The following ATRNL1 variants were observed in gnomAD, a reference collection of about 807,000 sequenced individuals.
The protein encoded by ATRNL1 is attractin-like protein 1.
A neutral mutation model predicts 182.7 loss-of-function variants in ATRNL1; 95 were observed. The ratio of observed to expected loss-of-function variants is 0.52; its 90% confidence interval spans 0.44 to 0.62. The LOEUF (loss-of-function observed/expected upper bound fraction) is 0.62, where lower values mean the gene tolerates loss of function less well. ATRNL1 is among the 20% of genes least tolerant of loss of function. The pLI is 0.00. For synonymous variants in ATRNL1, 576 were observed against 568.3 expected (o/e 1.01, Z -0.19); for missense variants, 1,471 against 1,679.5 (o/e 0.88, Z 2.17).
intron 26 of ATRNL1, among the ~76,000 whole-genome samples, chr10:115,697,628 T>G (rs940888145): frequency 6.6e-6 from 1 of 152,136 alleles, no homozygotes; most frequent in African/African-American, 2.4e-5. Flanking sequence ...ACCTGGCCTA[T>G]TTTTTTAATC....
intron 24 of ATRNL1, among the ~76,000 whole-genome samples, chr10:115,481,264 G>A (rs1020929750): frequency 2.0e-5 from 3 of 150,044 alleles, no homozygotes; most frequent in Non-Finnish European, 4.5e-5. Flanking sequence ...TACTTCCATA[G>A]TCTGTTACTG....
chr10:115,378,179 G>T (rs1368933995), intron 19 of ATRNL1, among the ~76,000 whole-genome samples: 3 of 152,152 alleles, frequency 2.0e-5, no homozygotes, highest in Non-Finnish European at 4.4e-5. Flanking sequence ...ACGTTCTTTG[G>T]TGGGTACACC....
chr10:115,300,264 A>G lies in ATRNL1; in HGVS notation c.2629+17A>G. On this transcript the variant is annotated intron_variant, in intron 16 of 28. Transcript: ENST00000355044. ...AACCTGTTGGTAAGTAGTCCAGTAA[A>G]TTAGCATTCCTTTAAAAGTATGTTT... 2 of 1,592,650 alleles carry G rather than the reference A, an allele frequency of 1.3e-6. No individual in the cohort carries two copies. The highest frequency in any genetic ancestry group is 1.7e-6 in the Non-Finnish European group (2 of 1,161,496).
chr10:115,588,553 G>T (rs1361793661), intron 26 of ATRNL1, among the ~76,000 whole-genome samples: 12 of 152,130 alleles, frequency 7.9e-5, no homozygotes, highest in Non-Finnish European at 1.8e-4. Flanking sequence ...AAACCCTTTG[G>T]GAGGAACAAC....
chr10:115,469,419 T>C lies in ATRNL1; in HGVS notation c.3654+90T>C. ...TCCAAAGTGATGATATATGTACATT[T>C]CCTGACTTGACTAATACAAAAACAT... On this transcript the variant is annotated intron_variant, in intron 24 of 28. Coordinates refer to ENST00000355044, the MANE Select transcript of ATRNL1 (RefSeq NM_207303.4). The C allele has an allele frequency of 2.4e-6, 2 of 826,576 alleles. 1 individual carries two copies. Among genetic ancestry groups the C allele is most frequent in the Non-Finnish European group, 3.6e-6 (2 of 548,760 alleles). 51.2% of individuals were successfully genotyped at this position (826,576 alleles called of 1,614,324 possible). A position where few individuals can be genotyped will look rare whatever the true frequency, so the allele number is the denominator to read the frequency against.
chr10:115,218,707 A>G (rs1849325981), intron 9 of ATRNL1, among the ~76,000 whole-genome samples: 1 of 152,220 alleles, frequency 6.6e-6, no homozygotes, highest in Admixed American at 6.5e-5. Flanking sequence ...GAATGCAGCC[A>G]CTTTACCTGC....
intron 5 of ATRNL1, among the ~76,000 whole-genome samples, chr10:115,132,675 T>C (rs1845308049): frequency 6.6e-6 from 1 of 152,166 alleles, no homozygotes; most frequent in Non-Finnish European, 1.5e-5. Flanking sequence ...ATTTCTCTGA[T>C]GGCCAGTGAT....
intron 19 of ATRNL1, among the ~76,000 whole-genome samples, chr10:115,372,712 A>G (rs1173979642): frequency 2.0e-5 from 3 of 151,956 alleles, no homozygotes; most frequent in Admixed American, 6.6e-5. Context: ...CAGTCTTTCT[A>G]TTTTATTTCA....
intron 9 of ATRNL1, among the ~76,000 whole-genome samples, chr10:115,220,679 T>C (rs1849418834): frequency 8.2e-6 from 1 of 122,662 alleles, no homozygotes; most frequent in South Asian, 2.5e-4. Context: ...GAAACAAGTG[T>C]GCAGTGTGGG....
In ATRNL1 at chr10:115,561,704, G is replaced by GTGTGTGTGTGTGT. The variant is rs1554999746; in HGVS notation, c.3795+12168_3795+12169insTGTGTGTGTGTGT. ...GTGTGTGTGTGGGTGTGTGTGTGTGGGTGTGTGTGTGTGTGTGTGTTTGTG... is the reference window on the plus strand; with the variant it reads ...GTGTGTGTGTGGGTGTGTGTGTGTGGTGTGTGTGTGTGTGTGTGTGTGTGTGTGTGTGTTTGTG... On this transcript the variant is annotated intron_variant, in intron 26 of 28. Coordinates refer to ENST00000355044, the MANE Select transcript of ATRNL1 (RefSeq NM_207303.4). Among the ~76,000 whole-genome samples, 512 of 145,020 alleles carry GTGTGTGTGTGTGT rather than the reference G, an allele frequency of 3.5e-3. 7 individuals carry two copies. The highest frequency in any genetic ancestry group is 0.011 in the African/African-American group (416 of 38,528).
chr10:115,114,310 A>G (rs1844383490), intron 1 of ATRNL1, among the ~76,000 whole-genome samples: 1 of 152,232 alleles, frequency 6.6e-6, no homozygotes, highest in African/African-American at 2.4e-5. Flanking sequence ...AGAAGGAAAC[A>G]TAGGAGAAAA....
intron 10 of ATRNL1, among the ~76,000 whole-genome samples, chr10:115,242,708 A>G (rs1850474445): frequency 6.6e-6 from 1 of 152,074 alleles, no homozygotes; most frequent in Admixed American, 6.5e-5. Context: ...TAAGCACTTT[A>G]ATCTTTTTAC....
intron 13 of ATRNL1, among the ~76,000 whole-genome samples, chr10:115,281,004 A>G (rs1359480018): frequency 2.6e-5 from 4 of 152,212 alleles, no homozygotes; most frequent in Non-Finnish European, 4.4e-5. Context: ...CATTGTGTTT[A>G]TAATACCTTA....
chr10:115,448,854 CCAACAACAACAACAACAA>C lies in ATRNL1; in HGVS notation c.3323-13065_3323-13048del, dbSNP rs3981286. Reference sequence around the variant, plus strand: ...TTGCTCCAATGTAATAGCGTGCCAACCAACAACAACAACAACAACAACAACAACAACAACAACAAGCAT... The same window carrying C: ...TTGCTCCAATGTAATAGCGTGCCAACCAACAACAACAACAACAACAAGCAT... On this transcript the variant is annotated intron_variant, in intron 21 of 28. Transcript: ENST00000355044. Among the ~76,000 whole-genome samples the C allele has an allele frequency of 1.5e-4, 22 of 150,210 alleles. No homozygotes were observed. In the East Asian group the frequency reaches 4.3e-3, roughly 30 times the overall value.
chr10:115,416,943 T>C (rs1253227314), intron 20 of ATRNL1, among the ~76,000 whole-genome samples: 1 of 152,158 alleles, frequency 6.6e-6, no homozygotes, highest in African/African-American at 2.4e-5. Flanking sequence ...GATAACCTAC[T>C]AATATTTCTT....
Position 115,844,410 on chromosome 10 carries a change from T to C in ATRNL1, c.3904-3467T>C, listed in dbSNP as rs115606875. ...TTCATGTAGCAGGAGTTTCCCAGGATTGATCCTGAGCTCAAATGAACACCT... is the reference window on the plus strand; with the variant it reads ...TTCATGTAGCAGGAGTTTCCCAGGACTGATCCTGAGCTCAAATGAACACCT... On this transcript the variant is annotated intron_variant, in intron 27 of 28. Transcript: ENST00000355044. Among the ~76,000 whole-genome samples, 675 of 152,168 alleles carry C rather than the reference T, an allele frequency of 4.4e-3. 8 individuals are homozygous for C. The highest frequency in any genetic ancestry group is 0.015 in the African/African-American group (635 of 41,532).
chr10:115,721,682 C>G (rs2134045299), intron 26 of ATRNL1, among the ~76,000 whole-genome samples: 1 of 152,288 alleles, frequency 6.6e-6, no homozygotes, highest in African/African-American at 2.4e-5. Flanking sequence ...GTCCCTCCCA[C>G]AACACGAGAG....
intron 28 of ATRNL1, among the ~76,000 whole-genome samples, chr10:115,868,815 C>CTTTAT (rs1951499638): frequency 8.8e-6 from 1 of 113,308 alleles, no homozygotes; most frequent in Non-Finnish European, 1.8e-5. Flanking sequence ...GGTGGCAAGT[C>CTTTAT]TTTATTCTTT....
intron 27 of ATRNL1, among the ~76,000 whole-genome samples, chr10:115,748,524 T>G (rs911886520): frequency 6.6e-6 from 1 of 151,826 alleles, no homozygotes. Flanking sequence ...CTGAAAGCCC[T>G]GGACACTCTT....
Sources: gnomAD v4.1 joint callset for allele counts (sites outside exome capture counted in the v4.1 genomes callset) on GRCh38, gnomAD v4.1.1 for gene constraint, MANE v1.5 for transcripts, NCBI Gene and HGNC (gene_info 2026-07-23, HGNC 2026-07-21) for gene names.